Variants in TMEM45A observed in about 807,000 individuals in gnomAD.
TMEM45A encodes DNA polymerase-transactivated protein 4.
A neutral mutation model predicts 32.0 loss-of-function variants in TMEM45A; 25 were observed. The ratio of observed to expected loss-of-function variants is 0.78; its 90% CI spans 0.57 to 1.09. The LOEUF (loss-of-function observed/expected upper bound fraction) is 1.09. Ranked by LOEUF, TMEM45A falls within the 50% of genes least tolerant of loss-of-function variation. The probability of loss-of-function intolerance (pLI) is 0.00; values close to 1 mark genes in which losing one functional copy is unlikely to be tolerated. For missense variants in TMEM45A, 302 were observed against 325.0 expected (o/e 0.93, Z 0.54); for synonymous variants, 122 against 114.8 (o/e 1.06, Z -0.40).
At chr3:100,515,023 T>C (rs1421968782) in intron 1 of TMEM45A, among the ~76,000 whole-genome samples, 4 of 150,384 alleles carry the variant, frequency 2.7e-5, no homozygotes, top group Middle Eastern at 3.4e-3. Flanking sequence ...TTTTACACTG[T>C]TGGTGGGACT....
At chr3:100,535,552 T>C (rs940742033) in intron 1 of TMEM45A, among the ~76,000 whole-genome samples, 4 of 152,180 alleles carry the variant, frequency 2.6e-5, no homozygotes, top group African/African-American at 7.2e-5. Flanking sequence ...CTACTTCCAG[T>C]ATTTGAGGGT....
intron 1 of TMEM45A, among the ~76,000 whole-genome samples, chr3:100,528,188 G>A (rs974543818): frequency 6.6e-6 from 1 of 152,174 alleles, no homozygotes; most frequent in African/African-American, 2.4e-5. Context: ...TGAAGGACAG[G>A]AACTAAAAAC....
At chr3:100,512,702 G>T (rs548314295) in intron 1 of TMEM45A, among the ~76,000 whole-genome samples, 2,134 of 150,410 alleles carry the variant, frequency 0.014, 41 homozygotes, top group African/African-American at 0.049. Context: ...TTTTTGAAAG[G>T]ATCAACAAAA....
chr3:100,511,341 T>G (rs1708156777), intron 1 of TMEM45A, among the ~76,000 whole-genome samples: 2 of 152,066 alleles, frequency 1.3e-5, no homozygotes, highest in Non-Finnish European at 2.9e-5. Flanking sequence ...AGACAAGAAT[T>G]TTCAACCCAG....
At chr3:100,514,584 A>T (rs1240885684) in intron 1 of TMEM45A, among the ~76,000 whole-genome samples, 3 of 152,074 alleles carry the variant, frequency 2.0e-5, no homozygotes, top group Non-Finnish European at 4.4e-5. Flanking sequence ...TTCATGTCTA[A>T]AACACCAAAA....
At chr3:100,562,801 T>C (rs951272636) in intron 4 of TMEM45A, among the ~76,000 whole-genome samples, 4 of 152,178 alleles carry the variant, frequency 2.6e-5, no homozygotes, top group Non-Finnish European at 5.9e-5. Context: ...ATATATGCTA[T>C]AACTTGACAA....
At chr3:100,536,618 C>G (rs763010469) in intron 1 of TMEM45A, among the ~76,000 whole-genome samples, 10 of 152,160 alleles carry the variant, frequency 6.6e-5, no homozygotes, top group Non-Finnish European at 1.5e-4. Context: ...TATTCTCACA[C>G]GTACCTCTGA....
intron 1 of TMEM45A, among the ~76,000 whole-genome samples, chr3:100,518,735 G>T (rs896351103): frequency 1.3e-5 from 2 of 152,130 alleles, no homozygotes; most frequent in Non-Finnish European, 2.9e-5. Context: ...TGGAGTGTTC[G>T]TCTATTCCCC....
intron 5 of TMEM45A, among the ~76,000 whole-genome samples, chr3:100,570,242 C>T (rs1006915671): frequency 7.2e-5 from 11 of 152,212 alleles, no homozygotes; most frequent in African/African-American, 2.2e-4. Flanking sequence ...ATTGCAGTAG[C>T]TACTGCTAGG....
At chr3:100,510,355 G>A (rs1195891265) in intron 1 of TMEM45A, among the ~76,000 whole-genome samples, 1 of 152,236 alleles carries the variant, frequency 6.6e-6, no homozygotes, top group Non-Finnish European at 1.5e-5. Context: ...CCCAGCAGGG[G>A]CAGACTGACA....
intron 1 of TMEM45A, among the ~76,000 whole-genome samples, chr3:100,515,087 G>T (rs1234628354): frequency 2.0e-5 from 3 of 148,106 alleles, no homozygotes; most frequent in African/African-American, 7.4e-5. Flanking sequence ...CAGGGATCTA[G>T]AACTAGAAAT....
intron 1 of TMEM45A, among the ~76,000 whole-genome samples, chr3:100,541,889 GAGTCCTTTCCCCTTTTA>G (rs1423192222): frequency 6.6e-6 from 1 of 152,194 alleles, no homozygotes; most frequent in African/African-American, 2.4e-5. Context: ...GTTGAATTGG[GAGTCCTTTCCCCTTTTA>G]AGTCCTTTCC....
At chr3:100,507,017 G>A (rs963131782) in intron 1 of TMEM45A, among the ~76,000 whole-genome samples, 3 of 152,196 alleles carry the variant, frequency 2.0e-5, no homozygotes, top group African/African-American at 7.2e-5. Context: ...GAAGTTGGAG[G>A]CTGGGTCAGA....
At position 100,558,529 on chromosome 3, in the gene TMEM45A, T is replaced by A. The variant is rs368984687; in HGVS notation, c.528T>A (p.Asn176Lys). 6.2e-7 allele frequency: 1 copy of A among 1,614,154 alleles called. No individual in the cohort carries two copies. The highest frequency in any genetic ancestry group is 8.5e-7 in the Non-Finnish European group (1 of 1,179,994). ...TCCTAGAGTTCCTTGTTCGGAACAA[T>A]GTACTTCTGGAGCTATTGCGGTCAA... is the stretch of plus-strand genomic sequence containing the variant. ...VAFLEFLVRN[N>K]VLLELLRSSL... The change falls in exon 4 of 6, where the codon AAT becomes AAA. Residue 176 changes from asparagine to lysine, a missense_variant. Physicochemically the swap from Asn to Lys is moderately conservative, Grantham distance 94. Coordinates refer to ENST00000323523, the MANE Select transcript of TMEM45A (RefSeq NM_018004.3).
intron 1 of TMEM45A, among the ~76,000 whole-genome samples, chr3:100,497,052 A>G (rs776277587): frequency 6.6e-6 from 1 of 152,210 alleles, no homozygotes; most frequent in East Asian, 1.9e-4. Flanking sequence ...TGGATTTGGC[A>G]TCTATCTTTT....
intron 1 of TMEM45A, among the ~76,000 whole-genome samples, chr3:100,493,722 G>A (rs941931434): frequency 6.6e-6 from 1 of 151,942 alleles, no homozygotes; most frequent in East Asian, 1.9e-4. Context: ...ATATTTTGTT[G>A]TTGTTGTAGT....
At chr3:100,573,082 G>C (rs1274721166) in intron 5 of TMEM45A, 3 of 151,324 alleles carry the variant, frequency 2.0e-5, no homozygotes, top group South Asian at 2.1e-4. Flanking sequence ...TTGGCGATGC[G>C]GGCTCTTTTT....
At chr3:100,504,190 T>C (rs1484616406) in intron 1 of TMEM45A, among the ~76,000 whole-genome samples, 1 of 151,998 alleles carries the variant, frequency 6.6e-6, no homozygotes, top group Admixed American at 6.6e-5. Flanking sequence ...TCAAATTATC[T>C]GTGGTAAAGG....
intron 1 of TMEM45A, among the ~76,000 whole-genome samples, chr3:100,543,858 G>A (rs1162085703): frequency 6.6e-6 from 1 of 152,128 alleles, no homozygotes; most frequent in Admixed American, 6.6e-5. Flanking sequence ...TCCCGGTTCC[G>A]TTACTTATCA....
Sources: allele counts gnomAD v4.1 joint callset (sites outside exome capture counted in the v4.1 genomes callset), GRCh38; gene constraint gnomAD v4.1.1; transcripts MANE v1.5; gene names NCBI Gene and HGNC (gene_info 2026-07-23, HGNC 2026-07-21).